The following XYLT1 variants were observed in gnomAD, a reference collection of about 807,000 sequenced individuals.
The protein encoded by XYLT1 is xylosyltransferase 1.
Under a neutral mutation model 91.3 loss-of-function variants are expected in XYLT1, and 36 were observed. The observed-to-expected ratio is 0.39, with a 90% CI of 0.30 to 0.52. The LOEUF (loss-of-function observed/expected upper bound fraction) is 0.52. Ranked by LOEUF, XYLT1 falls within the 20% of genes least tolerant of loss-of-function variation. XYLT1 has a pLI of 0.68. For synonymous variants in XYLT1, 588 were observed against 532.0 expected (o/e 1.11, Z -1.45); for missense variants, 1,242 against 1,284.5 (o/e 0.97, Z 0.51).
intron 6 of XYLT1, 42 bp from the exon 7 acceptor site, chr16:17,141,411 A>AAGAC (rs1475978520): frequency 1.9e-6 from 3 of 1,580,858 alleles, no homozygotes; most frequent in Admixed American, 3.5e-5. Flanking sequence ...GGTGTCCTGA[A>AAGAC]AGACAGAACT....
chr16:17,348,476 T>G (rs762036335), intron 2 of XYLT1, among the ~76,000 whole-genome samples: 1 of 152,086 alleles, frequency 6.6e-6, no homozygotes, highest in Middle Eastern at 3.2e-3. Flanking sequence ...TCAATGCCAC[T>G]CCCAAACTCT....
intron 2 of XYLT1, among the ~76,000 whole-genome samples, chr16:17,314,495 A>G (rs1318872925): frequency 6.6e-6 from 1 of 152,208 alleles, no homozygotes; most frequent in Non-Finnish European, 1.5e-5. Context: ...GACTCCCACC[A>G]ATTGCTCCTC....
intron 11 of XYLT1, among the ~76,000 whole-genome samples, chr16:17,112,235 T>C (rs1966843157): frequency 6.6e-6 from 1 of 152,220 alleles, no homozygotes; most frequent in Non-Finnish European, 1.5e-5. Context: ...ATCGGATTTC[T>C]TGCGATTACC....
chr16:17,194,193 C>A (rs1467132374), intron 5 of XYLT1: 1 of 152,160 alleles, frequency 6.6e-6, no homozygotes, highest in Non-Finnish European at 1.5e-5. Flanking sequence ...CTGCTAGGTT[C>A]TATTATTGTA....
At chr16:17,445,180 A>G (rs1278932892) in intron 1 of XYLT1, among the ~76,000 whole-genome samples, 2 of 152,290 alleles carry the variant, frequency 1.3e-5, no homozygotes, top group Non-Finnish European at 2.9e-5. Context: ...ATTTTTGGAA[A>G]GACAGGGTTT....
rs1284919604 is a variant in XYLT1 at position 17,316,854 on chromosome 16, C to G, written c.402+41158G>C. Reference sequence around the variant, plus strand: ...TTTTTTTTTTTGAGACGGAGTCTCGCTCTGTCGCCCAGGCTGGAGTGCAGT... The same window carrying G: ...TTTTTTTTTTTGAGACGGAGTCTCGGTCTGTCGCCCAGGCTGGAGTGCAGT... On this transcript the variant is annotated intron_variant, in intron 2 of 11. Transcript: ENST00000261381. Among the ~76,000 whole-genome samples, 3 of 149,802 alleles carry G rather than the reference C, an allele frequency of 2.0e-5. No homozygotes were observed. The East Asian group carries it at 6.0e-4, about 30-fold the overall frequency.
At chr16:17,420,873 G>T (rs1403663161) in intron 1 of XYLT1, among the ~76,000 whole-genome samples, 1 of 152,120 alleles carries the variant, frequency 6.6e-6, no homozygotes, top group Non-Finnish European at 1.5e-5. Context: ...CTGAATCTTT[G>T]TTGCTGGACT....
At chr16:17,247,629 G>T (rs537689127) in intron 3 of XYLT1, among the ~76,000 whole-genome samples, 9 of 152,220 alleles carry the variant, frequency 5.9e-5, no homozygotes, top group Non-Finnish European at 1.2e-4. Flanking sequence ...GAGGCTCAGA[G>T]AACACAAGTG....
chr16:17,200,324 C>T lies in XYLT1; in HGVS notation c.1086+158G>A, dbSNP rs867435838. ...AACCAACACACACATAGAGACAGCA[C>T]TCTAGGGCCACACGCTCTGTGGAGA... On this transcript the variant is annotated intron_variant, in intron 4 of 11. Transcript: ENST00000261381. Among the ~76,000 whole-genome samples, 9 of 152,290 alleles carry T rather than the reference C, an allele frequency of 5.9e-5. No homozygotes were observed. In the South Asian group the frequency reaches 6.2e-4, roughly 11 times the overall value.
chr16:17,446,775 C>G (rs1442039845), intron 1 of XYLT1, among the ~76,000 whole-genome samples: 1 of 152,176 alleles, frequency 6.6e-6, no homozygotes, highest in Admixed American at 6.5e-5. Context: ...CCCACTCAGC[C>G]TGGAGACTCA....
chr16:17,239,742 T>G (rs936899090), intron 3 of XYLT1, among the ~76,000 whole-genome samples: 1 of 150,872 alleles, frequency 6.6e-6, no homozygotes, highest in Non-Finnish European at 1.5e-5. Context: ...CTTCCATCCA[T>G]CCACCCACCC....
intron 3 of XYLT1, among the ~76,000 whole-genome samples, chr16:17,217,370 TA>T (rs1050914156): frequency 1.3e-5 from 2 of 152,168 alleles, no homozygotes; most frequent in Non-Finnish European, 2.9e-5. Flanking sequence ...CAATATGAAG[TA>T]AAAAAAAACC....
chr16:17,424,001 C>T (rs1198117085), intron 1 of XYLT1, among the ~76,000 whole-genome samples: 1 of 152,122 alleles, frequency 6.6e-6, no homozygotes, highest in African/African-American at 2.4e-5. Flanking sequence ...AGGACCGTGG[C>T]CAAAGTCATC....
In XYLT1 at chr16:17,170,753, C is replaced by T. The variant is rs1294037298; in HGVS notation, c.1290-11844G>A. ...GGGTTTATTCAAATAATCACCATGA[C>T]CTATAATACTAATTTGTCCATTTCC... On this transcript the variant is annotated intron_variant, in intron 5 of 11. Coordinates refer to ENST00000261381, the MANE Select transcript of XYLT1 (RefSeq NM_022166.4). Among the ~76,000 whole-genome samples, 3 of 152,174 alleles carry T rather than the reference C, an allele frequency of 2.0e-5. No individual in the cohort carries two copies. The South Asian group carries it at 6.2e-4, about 31-fold the overall frequency.
At chr16:17,456,812 C>A (rs2036750045) in intron 1 of XYLT1, among the ~76,000 whole-genome samples, 1 of 152,182 alleles carries the variant, frequency 6.6e-6, no homozygotes, top group Non-Finnish European at 1.5e-5. Context: ...CCTCTCTATG[C>A]CTCAATTTCC....
chr16:17,460,557 G>C (rs753029231), intron 1 of XYLT1, among the ~76,000 whole-genome samples: 61 of 152,148 alleles, frequency 4.0e-4, no homozygotes, highest in Non-Finnish European at 8.1e-4. Flanking sequence ...AGTGAACACG[G>C]AGGTCTTCCA....
At chr16:17,455,088 G>A (rs2036723136) in intron 1 of XYLT1, among the ~76,000 whole-genome samples, 2 of 151,990 alleles carry the variant, frequency 1.3e-5, no homozygotes, top group South Asian at 4.2e-4. Context: ...AGTACAGACT[G>A]TATGATTCCA....
intron 2 of XYLT1, among the ~76,000 whole-genome samples, chr16:17,330,838 T>C (rs1414215498): frequency 6.6e-6 from 1 of 151,320 alleles, no homozygotes; most frequent in Non-Finnish European, 1.5e-5. Flanking sequence ...CTACTTAAGA[T>C]GTAGAGGAGC....
intron 1 of XYLT1, among the ~76,000 whole-genome samples, chr16:17,361,977 T>C (rs2035388699): frequency 6.6e-6 from 1 of 152,192 alleles, no homozygotes; most frequent in African/African-American, 2.4e-5. Flanking sequence ...ATACTATCAT[T>C]ATCACTATCA....
Sources: gnomAD v4.1 joint callset for allele counts (sites outside exome capture counted in the v4.1 genomes callset) on GRCh38, gnomAD v4.1.1 for gene constraint, MANE v1.5 for transcripts, NCBI Gene and HGNC (gene_info 2026-07-23, HGNC 2026-07-21) for gene names.